RAB30: variants seen among roughly 807,000 people sequenced by gnomAD.
RAB30 encodes the protein RAB30, member RAS oncogene family.
RAB30 carries 9 observed loss-of-function variants against 25.1 expected under a neutral mutation model. That is an observed-to-expected ratio of 0.36 (90% CI 0.22 to 0.63). RAB30 has a LOEUF of 0.63. Among genes scored for constraint, RAB30 ranks in the 20% least tolerant of loss-of-function variants. RAB30 has a pLI of 0.69. For missense variants in RAB30, 140 were observed against 243.5 expected (o/e 0.58, Z 2.83); for synonymous variants, 77 against 86.4 (o/e 0.89, Z 0.60).
At position 82,974,522 on chromosome 11, in the gene RAB30, A is replaced by C. The variant is rs1487030595; in HGVS notation, c.*7643T>G. ...ATATTAACATTTAAAATCAAGTACT[A>C]TTCTTATATTGAAGTTGGTTAGATT... is the stretch of plus-strand genomic sequence containing the variant. On this transcript the variant is annotated 3_prime_UTR_variant, in exon 5 of 5. Coordinates refer to ENST00000527633, the MANE Select transcript of RAB30 (RefSeq NM_001286060.2). 6.6e-6 allele frequency: 1 copy of C among 152,192 alleles called. No homozygotes were observed. Among genetic ancestry groups the C allele is most frequent in the Non-Finnish European group, 1.5e-5 (1 of 68,024 alleles). The allele number at this position is 152,192 out of a possible 1,614,324, so 9.4% of individuals were successfully genotyped here. A position where few individuals can be genotyped will look rare whatever the true frequency, so the allele number is the denominator to read the frequency against.
intron 1 of RAB30, among the ~76,000 whole-genome samples, chr11:83,009,622 A>G (rs1456276065): frequency 3.3e-5 from 5 of 152,134 alleles, no homozygotes; most frequent in Admixed American, 3.3e-4. Flanking sequence ...ATAAAATAAA[A>G]TAAAATAAAA....
intron 1 of RAB30, among the ~76,000 whole-genome samples, chr11:83,062,550 T>C (rs1430795708): frequency 6.6e-6 from 1 of 152,064 alleles, no homozygotes; most frequent in East Asian, 1.9e-4. Context: ...GCCACTGGAG[T>C]TAAAGGAAAG....
chr11:83,032,189 G>C (rs1320787606), intron 1 of RAB30, among the ~76,000 whole-genome samples: 3 of 152,076 alleles, frequency 2.0e-5, no homozygotes, highest in African/African-American at 4.8e-5. Context: ...TTCCCCATTA[G>C]AGCCTTTTAA....
rs184503041 is a variant in RAB30, at chr11:83,067,182, C to T, written c.-9+4509G>A. On this transcript the variant is annotated intron_variant, in intron 1 of 4. Coordinates refer to ENST00000527633, the MANE Select transcript of RAB30 (RefSeq NM_001286060.2). The stretch of plus-strand genomic sequence containing the variant: ...TGATTATTTACGTTTGTCTCCCTCA[C>T]CTGAGTGAATTCCTCCGAAGTAAAC... 9.2e-5 allele frequency among the ~76,000 whole-genome samples: 14 copies of T among 152,296 alleles called. No homozygotes were observed. In the East Asian group the frequency reaches 2.7e-3, roughly 29 times the overall value.
At chr11:82,992,942 C>T (rs1396668137) in intron 3 of RAB30, among the ~76,000 whole-genome samples, 1 of 152,126 alleles carries the variant, frequency 6.6e-6, no homozygotes, top group African/African-American at 2.4e-5. Flanking sequence ...CATGGAGTCT[C>T]GCTATGTCTT....
Position 82,979,084 on chromosome 11 carries a change from T to C in RAB30, c.*3081A>G, listed in dbSNP as rs1856596510. 1 of 152,126 alleles carries C rather than the reference T, an allele frequency of 6.6e-6. No individual in the cohort carries two copies. The highest frequency in any genetic ancestry group is 1.5e-5 in the Non-Finnish European group (1 of 68,012). The allele number at this position is 152,126 out of a possible 1,614,324, so 9.4% of individuals were successfully genotyped here. A position where few individuals can be genotyped will look rare whatever the true frequency, so the allele number is the denominator to read the frequency against. ...AAATATTAATATAATTCAACAGATT[T>C]AATAAAAGCACACAAAGGGAGAAAA... On this transcript the variant is annotated 3_prime_UTR_variant, in exon 5 of 5. Transcript: ENST00000527633.
intron 2 of RAB30, among the ~76,000 whole-genome samples, chr11:82,996,787 G>A (rs1257077227): frequency 6.6e-6 from 1 of 152,184 alleles, no homozygotes; most frequent in Admixed American, 6.5e-5. Flanking sequence ...AAGTTTCCTG[G>A]GAGGATGTAA....
rs1251981523 is a variant in RAB30, at chr11:82,973,714, A to G, written c.*8451T>C. The G allele has an allele frequency of 2.6e-5, 4 of 152,218 alleles. No homozygotes were observed. The highest frequency in any genetic ancestry group is 2.6e-4 in the Admixed American group (4 of 15,278). 9.4% of individuals were successfully genotyped at this position (152,218 alleles called of 1,614,324 possible). The stretch of plus-strand genomic sequence containing the variant: ...TCCAAACAGGATTGCAAGAGGTTCT[A>G]CGTAAATAAACATAAATGATTTGAT... On this transcript the variant is annotated 3_prime_UTR_variant, in exon 5 of 5. Transcript: ENST00000527633.
intron 4 of RAB30, among the ~76,000 whole-genome samples, chr11:82,983,597 A>G (rs61902282): frequency 9.4e-5 from 1 of 10,616 alleles, no homozygotes; most frequent in Non-Finnish European, 1.5e-4. Context: ...ATGCCCAGCT[A>G]ATTTTTTTTT....
intron 1 of RAB30, among the ~76,000 whole-genome samples, chr11:83,005,965 T>C (rs1277775759): frequency 6.6e-6 from 1 of 151,658 alleles, no homozygotes; most frequent in Non-Finnish European, 1.5e-5. Context: ...TTTAAAAAAC[T>C]GATCAATCTT....
intron 1 of RAB30, among the ~76,000 whole-genome samples, chr11:83,055,613 T>G (rs1943340): frequency 0.21 from 32,567 of 152,258 alleles, 4,202 homozygotes; most frequent in Admixed American, 0.28. Context: ...TGCTATGATT[T>G]GAATGGTTTG....
chr11:83,059,251 G>T (rs539368491), intron 1 of RAB30, among the ~76,000 whole-genome samples: 136 of 152,150 alleles, frequency 8.9e-4, no homozygotes, highest in Non-Finnish European at 1.6e-3. Context: ...CTCTTTCCAG[G>T]GTTTCTGTGT....
intron 1 of RAB30, among the ~76,000 whole-genome samples, chr11:83,027,502 C>A (rs767230570): frequency 2.0e-5 from 3 of 152,110 alleles, no homozygotes; most frequent in Non-Finnish European, 4.4e-5. Flanking sequence ...ATGGTAACAT[C>A]AGGGGAGCCC....
intron 1 of RAB30, among the ~76,000 whole-genome samples, chr11:83,027,519 C>T (rs946190029): frequency 2.0e-5 from 3 of 152,162 alleles, no homozygotes; most frequent in African/African-American, 7.2e-5. Flanking sequence ...GCCCAACAAA[C>T]AGCCCATCCA....
intron 1 of RAB30, among the ~76,000 whole-genome samples, chr11:83,011,903 A>G (rs1173163646): frequency 6.6e-6 from 1 of 151,976 alleles, no homozygotes; most frequent in Non-Finnish European, 1.5e-5. Flanking sequence ...ATGTGCACCC[A>G]TATCACTATG....
intron 1 of RAB30, among the ~76,000 whole-genome samples, chr11:83,023,145 G>A (rs955670731): frequency 6.6e-6 from 1 of 152,112 alleles, no homozygotes; most frequent in African/African-American, 2.4e-5. Context: ...ATTCTCAGTT[G>A]ATTCTGGTGA....
chr11:83,044,823 A>C (rs1457440412), intron 1 of RAB30, among the ~76,000 whole-genome samples: 1 of 152,196 alleles, frequency 6.6e-6, no homozygotes, highest in Non-Finnish European at 1.5e-5. Context: ...GCTTCAGAAT[A>C]TAGTTTGAAA....
chr11:83,056,108 T>C (rs867790580), intron 1 of RAB30, among the ~76,000 whole-genome samples: 1 of 152,220 alleles, frequency 6.6e-6, no homozygotes, highest in South Asian at 2.1e-4. Context: ...TTCACATTGA[T>C]GTGCAGCCAA....
chr11:82,985,211 C>G (rs1342901496), intron 4 of RAB30, among the ~76,000 whole-genome samples: 1 of 152,100 alleles, frequency 6.6e-6, no homozygotes, highest in Non-Finnish European at 1.5e-5. Context: ...GTGATCCACC[C>G]GCCTCAGCCT....
Sources: gnomAD v4.1 joint callset for allele counts (sites outside exome capture counted in the v4.1 genomes callset) on GRCh38, gnomAD v4.1.1 for gene constraint, MANE v1.5 for transcripts, NCBI Gene and HGNC (gene_info 2026-07-23, HGNC 2026-07-21) for gene names.